NR2F1: variants seen among roughly 807,000 people sequenced by gnomAD.
NR2F1 encodes COUP transcription factor 1.
A neutral mutation model predicts 37.7 loss-of-function variants in NR2F1; 1 was observed. That is an observed-to-expected ratio of 0.03 (90% CI 0.01 to 0.13). The LOEUF (loss-of-function observed/expected upper bound fraction) is 0.13, where lower values mean the gene tolerates loss of function less well. Among genes scored for constraint, NR2F1 ranks in the 10% least tolerant of loss-of-function variants. The pLI is 1.00. For missense variants in NR2F1, 268 were observed against 578.4 expected, an observed-to-expected ratio of 0.46 and a Z score of 5.50; for synonymous variants, 275 against 259.6, an observed-to-expected ratio of 1.06 and a Z score of -0.57.
At chr5:93,591,166 C>T (rs964899002) in intron 2 of NR2F1, among the ~76,000 whole-genome samples, 14 of 152,240 alleles carry the variant, frequency 9.2e-5, no homozygotes, top group African/African-American at 3.4e-4. Context: ...CTTTTCCATA[C>T]ACTGTAGAAG....
chr5:93,593,944 C>G lies in NR2F1; in HGVS notation c.*102C>G, dbSNP rs1025623779. On this transcript the variant is annotated 3_prime_UTR_variant, in exon 3 of 3. Coordinates refer to ENST00000327111, the MANE Select transcript of NR2F1 (RefSeq NM_005654.6). The surrounding 1 kb of genome is among the most constrained non-coding windows in gnomAD (Gnocchi z 5.6). ...GGGGACACCGGGAAGTGCAGCGGGC[C>G]AGGCAGGCTGGGTGGGAGGGAGGAG... is the stretch of plus-strand genomic sequence containing the variant. 2.5e-6 allele frequency: 3 copies of G among 1,217,956 alleles called. No homozygotes were observed. Among genetic ancestry groups the G allele is most frequent in the Non-Finnish European group, 3.5e-6 (3 of 864,376 alleles). 75.4% of individuals were successfully genotyped at this position (1,217,956 alleles called of 1,614,324 possible).
intron 1 of NR2F1, 78 bp from the exon 2 acceptor site, chr5:93,587,839 T>G: frequency 7.0e-7 from 1 of 1,428,554 alleles, no homozygotes; most frequent in Non-Finnish European, 9.5e-7. Context: ...CTGCATTGTG[T>G]TGGGTACGCT....
At chr5:93,585,791 C>T (rs1753222382) in intron 1 of NR2F1, 2 of 420,064 alleles carry the variant, frequency 4.8e-6, no homozygotes, top group Non-Finnish European at 8.8e-6. Flanking sequence ...TTCCCTCTGT[C>T]TTGGATGTGC....
intron 2 of NR2F1, among the ~76,000 whole-genome samples, chr5:93,591,417 G>A (rs1753326931): frequency 6.6e-6 from 1 of 152,226 alleles, no homozygotes; most frequent in South Asian, 2.1e-4. Context: ...AGACTGGGAA[G>A]CCAGGCCAGA....
In NR2F1 at chr5:93,593,719, C is replaced by T. The variant is rs144876856; in HGVS notation, c.1149C>T (p.Ser383=). 1.4e-5 allele frequency: 22 copies of T among 1,614,104 alleles called. No homozygotes were observed. Among genetic ancestry groups the T allele is most frequent in the Admixed American group, 3.3e-5 (2 of 60,006 alleles). Residue 383 remains serine (S), a synonymous_variant, in exon 3 of 3, where the codon TCC becomes TCT. Coordinates refer to ENST00000327111, the MANE Select transcript of NR2F1 (RefSeq NM_005654.6). This position sits in a 1 kb window ranked among gnomAD's most constrained non-coding sequence, Gnocchi z 5.6. ...RLPSLRTVSS[S]VIEQLFFVRL... is the part of the protein sequence containing the mutation. The stretch of plus-strand genomic sequence containing the variant: ...CCTCGCTGCGCACCGTGTCCTCCTC[C>T]GTCATCGAGCAGCTCTTCTTCGTCC...
Position 93,593,937 on chromosome 5 carries a change from A to C in NR2F1, c.*95A>C. On this transcript the variant is annotated 3_prime_UTR_variant, in exon 3 of 3. Transcript: ENST00000327111. The surrounding 1 kb of genome is among the most constrained non-coding windows in gnomAD (Gnocchi z 5.6). The stretch of plus-strand genomic sequence containing the variant: ...AAGCCGCGGGGACACCGGGAAGTGC[A>C]GCGGGCCAGGCAGGCTGGGTGGGAG... 7.7e-7 allele frequency: 1 copy of C among 1,302,966 alleles called. No homozygotes were observed. Among genetic ancestry groups the C allele is most frequent in the South Asian group, 1.4e-5 (1 of 73,076 alleles). The allele number at this position is 1,302,966 out of a possible 1,614,324, so 80.7% of individuals were successfully genotyped here.
intron 2 of NR2F1, 131 bp downstream of exon 2, chr5:93,588,575 C>A: frequency 4.0e-6 from 2 of 496,670 alleles, no homozygotes; most frequent in Non-Finnish European, 5.2e-6. Flanking sequence ...GGACACTGAG[C>A]CTGGCCCGGG....
In NR2F1 at chr5:93,594,353, G is replaced by T. The variant is rs1020682779; in HGVS notation, c.*511G>T. 1 of 152,186 alleles carries T rather than the reference G, an allele frequency of 6.6e-6. No homozygotes were observed. Among genetic ancestry groups the T allele is most frequent in the African/African-American group, 2.4e-5 (1 of 41,372 alleles). The allele number at this position is 152,186 out of a possible 1,614,324, so 9.4% of individuals were successfully genotyped here. A position where few individuals can be genotyped will look rare whatever the true frequency, so the allele number is the denominator to read the frequency against. On this transcript the variant is annotated 3_prime_UTR_variant, in exon 3 of 3. Transcript: ENST00000327111. ...TTTGTAAAATTTAAACATCGTATGC[G>T]CATAAAGAAAAAGGAAACAAGAATT... is the stretch of plus-strand genomic sequence containing the variant.
intron 2 of NR2F1, among the ~76,000 whole-genome samples, chr5:93,592,901 A>G (rs1215786521): frequency 6.6e-6 from 1 of 152,052 alleles, no homozygotes; most frequent in Non-Finnish European, 1.5e-5. Flanking sequence ...CCTTTCTTGC[A>G]TAGATAACGG....
Position 93,584,944 on chromosome 5 carries a change from T to TCCCCTC in NR2F1, c.-77_-72dup, listed in dbSNP as rs1753201699. On this transcript the variant is annotated 5_prime_UTR_variant, in exon 1 of 3. Coordinates refer to ENST00000327111, the MANE Select transcript of NR2F1 (RefSeq NM_005654.6). ...CCCCCTCCCCCCTTCCCCTTCCCCTTCCCCTCCCAGCGCGCCCGCGCGCCC... is the reference window on the plus strand; with the variant it reads ...CCCCCTCCCCCCTTCCCCTTCCCCTTCCCCTCCCCCTCCCAGCGCGCCCGCGCGCCC... 1.0e-5 allele frequency: 1 copy of TCCCCTC among 96,036 alleles called. No individual in the cohort carries two copies. The highest frequency in any genetic ancestry group is 1.6e-5 in the Non-Finnish European group (1 of 61,612). The allele number at this position is 96,036 out of a possible 1,614,324, so 5.9% of individuals were successfully genotyped here. A position where few individuals can be genotyped will look rare whatever the true frequency, so the allele number is the denominator to read the frequency against.
chr5:93,585,585 C>T lies in NR2F1; in HGVS notation c.463+99C>T. On this transcript the variant is annotated intron_variant, in intron 1 of 2. Coordinates refer to ENST00000327111, the MANE Select transcript of NR2F1 (RefSeq NM_005654.6). ...GTGGTTGCTGTGTGGGGCTGGGGCTCCTGTGGTCCCGGCCCGTCCCAGCTT... is the reference window on the plus strand; with the variant it reads ...GTGGTTGCTGTGTGGGGCTGGGGCTTCTGTGGTCCCGGCCCGTCCCAGCTT... 15 of 952,794 alleles carry T rather than the reference C, an allele frequency of 1.6e-5. No individual in the cohort carries two copies. The South Asian group carries it at 2.2e-4, about 14-fold the overall frequency. The allele number at this position is 952,794 out of a possible 1,614,324, so 59.0% of individuals were successfully genotyped here. A position where few individuals can be genotyped will look rare whatever the true frequency, so the allele number is the denominator to read the frequency against.
chr5:93,587,609 G>T, intron 1 of NR2F1: 1 of 339,808 alleles, frequency 2.9e-6, no homozygotes, highest in East Asian at 4.6e-5. Context: ...TTCCCCCGTG[G>T]TGGCTTAGGG....
chr5:93,589,082 G>T (rs1753287915), intron 2 of NR2F1, among the ~76,000 whole-genome samples: 1 of 152,104 alleles, frequency 6.6e-6, no homozygotes. Flanking sequence ...GGTTATTGAG[G>T]GTCGTAAAAA....
In NR2F1 at chr5:93,592,592, G is replaced by A. The variant is rs556914326; in HGVS notation, c.992-970G>A. On this transcript the variant is annotated intron_variant, in intron 2 of 2. Transcript: ENST00000327111. The stretch of plus-strand genomic sequence containing the variant: ...AGATTTTGAGGTGCTGTCATTGTGC[G>A]GAGGTGCCTTTTTCTCCCTTGGTCC... Among the ~76,000 whole-genome samples, 32 of 151,948 alleles carry A rather than the reference G, an allele frequency of 2.1e-4. 1 individual carries two copies. The South Asian group carries it at 3.3e-3, about 16-fold the overall frequency.
chr5:93,583,376 T>TCCTCTCTTCTCTGAA lies in NR2F1; in HGVS notation c.-1635_-1621dup, dbSNP rs1220050047. ...CTCTCTCCCTCCTCTCCTCTCTCTC[T>TCCTCTCTTCTCTGAA]CCTCTCTTCTCTGAACCTCTCTTCT... On this transcript the variant is annotated 5_prime_UTR_variant, in exon 1 of 3. Coordinates refer to ENST00000327111, the MANE Select transcript of NR2F1 (RefSeq NM_005654.6). 4 of 150,754 alleles carry TCCTCTCTTCTCTGAA rather than the reference T, an allele frequency of 2.7e-5. No homozygotes were observed. The highest frequency in any genetic ancestry group is 9.8e-5 in the African/African-American group (4 of 40,852). The allele number at this position is 150,754 out of a possible 1,614,324, so 9.3% of individuals were successfully genotyped here.
chr5:93,588,390 C>A lies in NR2F1; in HGVS notation c.937C>A (p.His313Asn), dbSNP rs1220555021. 6.2e-7 allele frequency: 1 copy of A among 1,612,704 alleles called. No homozygotes were observed. The highest frequency in any genetic ancestry group is 8.5e-7 in the Non-Finnish European group (1 of 1,179,726). Residue 313 changes from histidine (H) to asparagine (N), a missense_variant, in exon 2 of 3, where the codon CAC (histidine) becomes AAC (asparagine). Around this residue, in one of 5 missense-constraint regions of NR2F1, gnomAD observed 99 missense variants for 191.9 expected, o/e 0.52. Transcript: ENST00000327111. ...GCAGGTGGAGAAGCTCAAGGCGCTA[C>A]ACGTCGACTCAGCCGAGTACAGCTG... The part of the protein sequence containing the change: ...QEQVEKLKAL[H>N]VDSAEYSCLK...
chr5:93,593,178 T>C lies in NR2F1; in HGVS notation c.992-384T>C, dbSNP rs1753362513. 6.6e-6 allele frequency among the ~76,000 whole-genome samples: 1 copy of C among 152,146 alleles called. No homozygotes were observed. The highest frequency in any genetic ancestry group is 1.5e-5 in the Non-Finnish European group (1 of 68,036). ...TTAATGAGCACGGCCAGAAAGATGC[T>C]CCCTTGCAGGCCGAGGACAGGTTGT... On this transcript the variant is annotated intron_variant, in intron 2 of 2. Transcript: ENST00000327111. The surrounding 1 kb of genome is among the most constrained non-coding windows in gnomAD (Gnocchi z 5.6).
intron 1 of NR2F1, 29 bp downstream of exon 1, chr5:93,585,515 C>T (rs746420132): frequency 3.3e-5 from 52 of 1,567,462 alleles, no homozygotes; most frequent in Non-Finnish European, 4.6e-5. Flanking sequence ...CTTCTCTCCC[C>T]GCGCTTCGCC....
In NR2F1 at chr5:93,592,370, GT is replaced by G. The variant is rs923487862; in HGVS notation, c.992-1183del. Among the ~76,000 whole-genome samples, 442 of 151,248 alleles carry G rather than the reference GT, an allele frequency of 2.9e-3. 2 individuals carry two copies. Among genetic ancestry groups the G allele is most frequent in the African/African-American group, 0.01 (431 of 41,176 alleles). On this transcript the variant is annotated intron_variant, in intron 2 of 2. Transcript: ENST00000327111. ...TAAGGGCTCCTCTGTGATCTTACTG[GT>G]TTTTTTTTAATATTTATTATTAATA...
Sources: gnomAD v4.1 joint callset for allele counts (sites outside exome capture counted in the v4.1 genomes callset) on GRCh38, gnomAD v4.1.1 for gene constraint, gnomAD v4.1.1 regional missense constraint, Gnocchi (gnomAD v3.1) non-coding constraint, MANE v1.5 for transcripts, NCBI Gene and HGNC (gene_info 2026-07-23, HGNC 2026-07-21) for gene names.